The following CATSPERE variants were observed in gnomAD, a reference collection of about 807,000 sequenced individuals.
CATSPERE encodes the protein cation channel sperm-associated auxiliary subunit epsilon.
A neutral mutation model predicts 114.1 loss-of-function variants in CATSPERE; 93 were observed. That is an observed-to-expected ratio of 0.81 (90% CI 0.69 to 0.97). CATSPERE has a LOEUF of 0.97. Among genes scored for constraint, CATSPERE ranks in the 50% least tolerant of loss-of-function variants. The pLI is 0.00. For synonymous variants in CATSPERE, 341 were observed against 384.1 expected (o/e 0.89, Z 1.31); for missense variants, 1,058 against 1,131.6 (o/e 0.93, Z 0.93).
At chr1:244,578,841 T>TATATATATATATAC (rs1260605917) in intron 11 of CATSPERE, among the ~76,000 whole-genome samples, 1 of 146,632 alleles carries the variant, frequency 6.8e-6, no homozygotes, top group African/African-American at 2.5e-5. Context: ...TATATATATA[T>TATATATATATATAC]ATACACACAC....
intron 8 of CATSPERE, among the ~76,000 whole-genome samples, chr1:244,531,569 G>A (rs998191540): frequency 2.6e-5 from 4 of 151,420 alleles, no homozygotes; most frequent in Non-Finnish European, 2.9e-5. Flanking sequence ...AATGCTTTTC[G>A]GTATTAATTG....
intron 2 of CATSPERE, among the ~76,000 whole-genome samples, chr1:244,475,928 C>T (rs369664483): frequency 1.8e-4 from 27 of 151,942 alleles, no homozygotes; most frequent in Non-Finnish European, 3.1e-4. Context: ...TTTAGAAGTA[C>T]AGTTTTTTGT....
chr1:244,570,401 TTTTAA>T (rs553386562), intron 10 of CATSPERE, among the ~76,000 whole-genome samples: 26 of 152,236 alleles, frequency 1.7e-4, no homozygotes, highest in Non-Finnish European at 3.7e-4. Context: ...TCTACTTTCT[TTTTAA>T]TTTAATTTCT....
At chr1:244,578,738 T>C (rs144961271) in intron 11 of CATSPERE, among the ~76,000 whole-genome samples, 1,687 of 145,394 alleles carry the variant, frequency 0.012, 25 homozygotes, top group African/African-American at 0.038. Flanking sequence ...TACACACACA[T>C]ATATATATAT....
upstream of CATSPERE, among the ~76,000 whole-genome samples, chr1:244,456,636 C>G (rs1286216469): frequency 6.6e-6 from 1 of 152,128 alleles, no homozygotes; most frequent in Non-Finnish European, 1.5e-5. Context: ...ATCAGATTTG[C>G]TAAATGCTTT....
chr1:244,589,684 G>A (rs1370792680), intron 14 of CATSPERE, among the ~76,000 whole-genome samples: 1 of 152,146 alleles, frequency 6.6e-6, no homozygotes, highest in Non-Finnish European at 1.5e-5. Flanking sequence ...TGGTGCAAAC[G>A]TTACCAAAAT....
At chr1:244,528,723 C>A (rs1022410558) in intron 8 of CATSPERE, among the ~76,000 whole-genome samples, 4 of 150,986 alleles carry the variant, frequency 2.6e-5, no homozygotes, top group African/African-American at 9.7e-5. Flanking sequence ...ACATCAAATA[C>A]ATCTTATTCT....
At position 244,523,344 on chromosome 1, in the gene CATSPERE, A is replaced by G. The variant is rs1223954243; in HGVS notation, c.536+4646A>G. Among the ~76,000 whole-genome samples, 2 of 144,790 alleles carry G rather than the reference A, an allele frequency of 1.4e-5. 1 individual carries two copies. The highest frequency in any genetic ancestry group is 3.0e-5 in the Non-Finnish European group (2 of 67,418). 95.0% of individuals were successfully genotyped at this position (144,790 alleles called of 152,430 possible). On this transcript the variant is annotated intron_variant, in intron 8 of 21. Coordinates refer to ENST00000366534, the MANE Select transcript of CATSPERE (RefSeq NM_001130957.2). Reference sequence around the variant, plus strand: ...TATTGATGGGACGTATCTCAAAATAATAAGAGCTATCTATGACAAAGCCAC... The same window carrying G: ...TATTGATGGGACGTATCTCAAAATAGTAAGAGCTATCTATGACAAAGCCAC...
At chr1:244,603,016 A>G (rs1361681882) in intron 17 of CATSPERE, among the ~76,000 whole-genome samples, 1 of 152,068 alleles carries the variant, frequency 6.6e-6, no homozygotes, top group African/African-American at 2.4e-5. Flanking sequence ...GAGGCAGGGT[A>G]AGCATGTTTG....
At chr1:244,471,229 A>G (rs1668431958) in intron 2 of CATSPERE, among the ~76,000 whole-genome samples, 1 of 152,218 alleles carries the variant, frequency 6.6e-6, no homozygotes, top group African/African-American at 2.4e-5. Context: ...AAAATTAATA[A>G]TCATTCCTTA....
chr1:244,626,407 C>T (rs1673194582), intron 20 of CATSPERE, among the ~76,000 whole-genome samples: 1 of 149,604 alleles, frequency 6.7e-6, no homozygotes, highest in African/African-American at 2.5e-5. Context: ...CTCGCTTGAA[C>T]CCAGGAGGTG....
At chr1:244,487,362 C>G (rs1377695266) in intron 5 of CATSPERE, among the ~76,000 whole-genome samples, 1 of 152,140 alleles carries the variant, frequency 6.6e-6, no homozygotes, top group African/African-American at 2.4e-5. Flanking sequence ...ACCTACACAT[C>G]ATGCCCAGCC....
intron 10 of CATSPERE, among the ~76,000 whole-genome samples, chr1:244,561,876 G>T (rs1164099665): frequency 6.6e-6 from 1 of 152,058 alleles, no homozygotes; most frequent in Non-Finnish European, 1.5e-5. Context: ...GTGAGGCCAG[G>T]CGTGGTGGCT....
intron 8 of CATSPERE, among the ~76,000 whole-genome samples, chr1:244,535,356 C>T (rs1680228148): frequency 6.6e-6 from 1 of 152,188 alleles, no homozygotes; most frequent in Non-Finnish European, 1.5e-5. Context: ...TGCAAGTTCC[C>T]CCAGGCCCCA....
chr1:244,530,222 T>A (rs1679375247), intron 8 of CATSPERE, among the ~76,000 whole-genome samples: 1 of 152,170 alleles, frequency 6.6e-6, no homozygotes, highest in South Asian at 2.1e-4. Context: ...ATTGCTGGGA[T>A]TACAGGTGTG....
chr1:244,513,226 C>T (rs1412899477), intron 7 of CATSPERE, among the ~76,000 whole-genome samples: 1 of 152,194 alleles, frequency 6.6e-6, no homozygotes, highest in African/African-American at 2.4e-5. Flanking sequence ...CAGTGGTGGG[C>T]TGAATTGGCC....
At chr1:244,506,507 C>T (rs1661746257) in intron 7 of CATSPERE, among the ~76,000 whole-genome samples, 1 of 152,198 alleles carries the variant, frequency 6.6e-6, no homozygotes, top group Admixed American at 6.5e-5. Context: ...CTTACATTCC[C>T]ATTAACAGTA....
chr1:244,520,432 A>G (rs370964139), intron 8 of CATSPERE, among the ~76,000 whole-genome samples: 5 of 152,306 alleles, frequency 3.3e-5, no homozygotes, highest in Admixed American at 6.5e-5. Context: ...TTTTGTTGAA[A>G]GTCAGTTAAG....
chr1:244,495,606 A>C (rs1672958189), intron 6 of CATSPERE, among the ~76,000 whole-genome samples: 1 of 152,154 alleles, frequency 6.6e-6, no homozygotes, highest in Non-Finnish European at 1.5e-5. Context: ...CTGTAATCCC[A>C]GCTACTCGGG....
Sources: gnomAD v4.1 joint callset for allele counts (sites outside exome capture counted in the v4.1 genomes callset) on GRCh38, gnomAD v4.1.1 for gene constraint, MANE v1.5 for transcripts, NCBI Gene and HGNC (gene_info 2026-07-23, HGNC 2026-07-21) for gene names.